ROR2: variants seen among roughly 807,000 people sequenced by gnomAD.
The protein encoded by ROR2 is ROR family WNT receptor 2.
A neutral mutation model predicts 74.9 loss-of-function variants in ROR2; 33 were observed. The ratio of observed to expected loss-of-function variants is 0.44; its 90% confidence interval spans 0.33 to 0.59. ROR2 has a LOEUF of 0.59. Among genes scored for constraint, ROR2 ranks in the 20% least tolerant of loss-of-function variants. The pLI, the probability that ROR2 is intolerant of heterozygous loss-of-function variation, is 0.02. For synonymous variants in ROR2, 586 were observed against 558.7 expected (o/e 1.05, Z -0.69); for missense variants, 1,216 against 1,313.8 (o/e 0.93, Z 1.15).
chr9:91,852,624 A>C lies in ROR2; in HGVS notation c.98-76806T>G, dbSNP rs57501427. Among the ~76,000 whole-genome samples the C allele has an allele frequency of 7.5e-4, 93 of 123,866 alleles. No individual in the cohort carries two copies. The East Asian group carries it at 0.013, about 18-fold the overall frequency. The allele number at this position is 123,866 out of a possible 152,430, so 81.3% of individuals were successfully genotyped here. ...GTTACAAATAAATGGAAAACACACA[A>C]ACACACACACACACACACACACACA... On this transcript the variant is annotated intron_variant, in intron 1 of 8. Coordinates refer to ENST00000375708, the MANE Select transcript of ROR2 (RefSeq NM_004560.4).
chr9:91,921,503 G>A lies in ROR2; in HGVS notation c.97+28364C>T, dbSNP rs189364494. On this transcript the variant is annotated intron_variant, in intron 1 of 8. Transcript: ENST00000375708. ...CCTGTGCTTAATTGCAGACCAAGCC[G>A]CAGGCCTCTTTGTGTCACCAAGTTC... 2.8e-4 allele frequency among the ~76,000 whole-genome samples: 43 copies of A among 152,330 alleles called. 3 individuals are homozygous for A. Among genetic ancestry groups the A allele is most frequent in the East Asian group, 5.8e-4 (3 of 5,192 alleles).
intron 1 of ROR2, among the ~76,000 whole-genome samples, chr9:91,900,431 G>A (rs867551164): frequency 1.3e-5 from 2 of 152,224 alleles, no homozygotes; most frequent in Non-Finnish European, 2.9e-5. Flanking sequence ...GTGGCGGCGC[G>A]GGGCAATCCT....
rs191887649 is a variant in ROR2, at chr9:91,729,183, A to G, written c.1183+1727T>C. On this transcript the variant is annotated intron_variant, in intron 7 of 8. Coordinates refer to ENST00000375708, the MANE Select transcript of ROR2 (RefSeq NM_004560.4). ...GATATCCATCTTTCCAAAACCTCGTAAAAGTCAGGAGCCTGTGTGTGCTCA... is the reference window on the plus strand; with the variant it reads ...GATATCCATCTTTCCAAAACCTCGTGAAAGTCAGGAGCCTGTGTGTGCTCA... Among the ~76,000 whole-genome samples, 44 of 152,268 alleles carry G rather than the reference A, an allele frequency of 2.9e-4. 1 individual carries two copies. The highest frequency in any genetic ancestry group is 5.6e-4 in the Non-Finnish European group (38 of 68,034).
At chr9:91,797,811 C>A (rs1827228165) in intron 1 of ROR2, among the ~76,000 whole-genome samples, 1 of 32,114 alleles carries the variant, frequency 3.1e-5, no homozygotes, top group Non-Finnish European at 5.3e-5. Context: ...GGCTGACACC[C>A]TGGGCTCTGT....
In ROR2 at chr9:91,924,197, A is replaced by T. The variant is rs1831339432; in HGVS notation, c.97+25670T>A. 2.6e-5 allele frequency among the ~76,000 whole-genome samples: 4 copies of T among 152,198 alleles called. No homozygotes were observed. In the South Asian group the frequency reaches 6.2e-4, roughly 24 times the overall value. On this transcript the variant is annotated intron_variant, in intron 1 of 8. Transcript: ENST00000375708. ...AGGTCTTTGTCCTCCATGGTAGGTG[A>T]TCCCTCCTGCTGCCCAGCCCTTTTC...
chr9:91,812,137 T>C (rs1827771488), intron 1 of ROR2, among the ~76,000 whole-genome samples: 1 of 152,122 alleles, frequency 6.6e-6, no homozygotes, highest in South Asian at 2.1e-4. Context: ...AAGCTATCCT[T>C]GGCCACAAGT....
chr9:91,853,809 T>C (rs1255273827), intron 1 of ROR2, among the ~76,000 whole-genome samples: 2 of 152,172 alleles, frequency 1.3e-5, no homozygotes, highest in African/African-American at 4.8e-5. Flanking sequence ...CTGATGGGGC[T>C]GTGGGCAGCA....
intron 1 of ROR2, among the ~76,000 whole-genome samples, chr9:91,802,985 G>A (rs561733757): frequency 4.4e-4 from 67 of 152,112 alleles, no homozygotes; most frequent in African/African-American, 1.3e-3. Flanking sequence ...TCACAACCAC[G>A]ACAACAGGTT....
At chr9:91,738,107 A>G (rs1352530712) in intron 4 of ROR2, among the ~76,000 whole-genome samples, 2 of 152,204 alleles carry the variant, frequency 1.3e-5, no homozygotes, top group Non-Finnish European at 2.9e-5. Flanking sequence ...GGCAAAACCC[A>G]TAGAAGGTAA....
At chr9:91,936,148 T>C (rs546666244) in intron 1 of ROR2, among the ~76,000 whole-genome samples, 101 of 152,288 alleles carry the variant, frequency 6.6e-4, no homozygotes, top group Admixed American at 2.6e-3. Flanking sequence ...TTCAAGTTAA[T>C]TCTTAGGCAG....
intron 1 of ROR2, among the ~76,000 whole-genome samples, chr9:91,823,554 G>A (rs1198695934): frequency 6.6e-6 from 1 of 151,868 alleles, no homozygotes; most frequent in African/African-American, 2.4e-5. Flanking sequence ...CCCAAGTGCT[G>A]GGATTACAGG....
At chr9:91,830,768 G>T (rs1216879528) in intron 1 of ROR2, among the ~76,000 whole-genome samples, 1 of 151,314 alleles carries the variant, frequency 6.6e-6, no homozygotes, top group African/African-American at 2.4e-5. Flanking sequence ...TGAAAAAAAA[G>T]TTAGTATGAA....
intron 2 of ROR2, among the ~76,000 whole-genome samples, chr9:91,774,811 G>C (rs1475922224): frequency 6.6e-6 from 1 of 152,192 alleles, no homozygotes; most frequent in Non-Finnish European, 1.5e-5. Flanking sequence ...TGAGGGGTCT[G>C]GGCATCCTTT....
chr9:91,862,624 C>T (rs567829987), intron 1 of ROR2, among the ~76,000 whole-genome samples: 1 of 151,976 alleles, frequency 6.6e-6, no homozygotes, highest in South Asian at 2.1e-4. Context: ...AACACACCAC[C>T]GCACTGCAGC....
At chr9:91,917,511 C>CT (rs1246111599) in intron 1 of ROR2, among the ~76,000 whole-genome samples, 1 of 152,192 alleles carries the variant, frequency 6.6e-6, no homozygotes, top group African/African-American at 2.4e-5. Flanking sequence ...CACCCCGAAT[C>CT]TTTAAGAGCA....
In ROR2 at chr9:91,722,832, A is replaced by G. The variant is rs891003297; in HGVS notation, c.*830T>C. ...GTCATCTTAAGACCAAAATACTTCA[A>G]TGAAAATGGCATATTAAAAACATAT... On this transcript the variant is annotated 3_prime_UTR_variant, in exon 9 of 9. Transcript: ENST00000375708. The G allele has an allele frequency of 3.6e-6, 2 of 563,192 alleles. No individual in the cohort carries two copies. Among genetic ancestry groups the G allele is most frequent in the African/African-American group, 3.8e-5 (2 of 53,332 alleles). The allele number at this position is 563,192 out of a possible 1,614,324, so 34.9% of individuals were successfully genotyped here.
chr9:91,920,491 A>G (rs555423559), intron 1 of ROR2, among the ~76,000 whole-genome samples: 1 of 152,288 alleles, frequency 6.6e-6, no homozygotes, highest in South Asian at 2.1e-4. Context: ...GGGTAACAGA[A>G]CCAGACCCTG....
At chr9:91,837,131 A>G (rs1296118099) in intron 1 of ROR2, among the ~76,000 whole-genome samples, 1 of 120,012 alleles carries the variant, frequency 8.3e-6, no homozygotes, top group Admixed American at 8.9e-5. Flanking sequence ...TCTGTTCTGC[A>G]TTGCTTACTG....
At chr9:91,922,675 G>A (rs537708902) in intron 1 of ROR2, among the ~76,000 whole-genome samples, 21 of 152,142 alleles carry the variant, frequency 1.4e-4, no homozygotes, top group African/African-American at 4.8e-4. Context: ...GGATGGTCTC[G>A]ATCTCCTGAC....
Sources: allele counts gnomAD v4.1 joint callset (sites outside exome capture counted in the v4.1 genomes callset), GRCh38; gene constraint gnomAD v4.1.1; transcripts MANE v1.5; gene names NCBI Gene and HGNC (gene_info 2026-07-23, HGNC 2026-07-21).